Variants in LRP3 observed in about 807,000 individuals in gnomAD.
LRP3 encodes the protein low-density lipoprotein receptor-related protein 3.
In LRP3, 49 loss-of-function variants were observed where a neutral mutation model predicts 58.5. The observed-to-expected ratio is 0.84, with a 90% confidence interval of 0.67 to 1.06. The LOEUF is 1.06. Among genes scored for constraint, LRP3 ranks in the 50% least tolerant of loss-of-function variants. The pLI, the probability that LRP3 is intolerant of heterozygous loss-of-function variation, is 0.00. For synonymous variants in LRP3, 485 were observed against 492.2 expected (o/e 0.99, Z 0.20); for missense variants, 1,019 against 1,134.2 (o/e 0.90, Z 1.46).
Position 33,205,658 on chromosome 19 carries a change from G to T in LRP3, c.888G>T (p.Leu296=). Residue 296 remains leucine, a synonymous_variant, in exon 5 of 7, where the codon CTG becomes CTT. Transcript: ENST00000253193. ...VDTQDSRRVL[L]QLELRLGYDD... The stretch of plus-strand genomic sequence containing the variant: ...CACAGGACTCCCGGCGGGTGCTGCT[G>T]CAGCTGGAACTGCGGCTGGGCTATG... 1 of 1,609,538 alleles carries T rather than the reference G, an allele frequency of 6.2e-7. No individual in the cohort carries two copies.
In LRP3 at chr19:33,204,642, C is replaced by G; in HGVS notation, c.265C>G (p.Arg89Gly). Residue 89 changes from arginine to glycine, a missense_variant, in exon 4 of 7, where the codon CGC (arginine) becomes GGC (glycine). Arg to Gly is a moderately radical substitution (Grantham distance 125). Around this residue, in one of 2 missense-constraint regions of LRP3, gnomAD observed 592 missense variants for 725.5 expected, o/e 0.82. Transcript: ENST00000253193. ...DRGDMITISFRNFDVEESHQC... is the reference protein window; with the variant it reads ...DRGDMITISFGNFDVEESHQC... ...GTCCTCTCCGCCCCCCCGCAGCTTCCGCAACTTTGACGTGGAGGAGTCCCA... is the reference window on the plus strand; with the variant it reads ...GTCCTCTCCGCCCCCCCGCAGCTTCGGCAACTTTGACGTGGAGGAGTCCCA... 1 of 1,603,970 alleles carries G rather than the reference C, an allele frequency of 6.2e-7. No homozygotes were observed. Among genetic ancestry groups the G allele is most frequent in the South Asian group, 1.1e-5 (1 of 91,034 alleles).
Position 33,205,559 on chromosome 19 carries a change from C to T in LRP3, c.789C>T (p.Gly263=). The T allele has an allele frequency of 6.2e-7, 1 of 1,602,694 alleles. No individual in the cohort carries two copies. Among genetic ancestry groups the T allele is most frequent in the Non-Finnish European group, 8.5e-7 (1 of 1,175,862 alleles). ...ACGRRLGSFY[G]SFASPDLFGA... is the part of the protein sequence containing the mutation. ...GCCGGCGGCTGGGCAGCTTCTACGGCTCCTTTGCCTCCCCAGACCTGTTCG... is the reference window on the plus strand; with the variant it reads ...GCCGGCGGCTGGGCAGCTTCTACGGTTCCTTTGCCTCCCCAGACCTGTTCG... The change falls in exon 5 of 7, where the codon GGC becomes GGT. Residue 263 remains glycine (G), a synonymous_variant. Transcript: ENST00000253193.
Position 33,207,014 on chromosome 19 carries a change from A to G in LRP3, c.1752A>G (p.Thr584=), listed in dbSNP as rs1345428335. The change falls in exon 7 of 7, where the codon ACA becomes ACG. Residue 584 remains threonine (T), a synonymous_variant. Transcript: ENST00000253193. ...CCTCTGTGCTGCAGAATCTTCGCAC[A>G]GCCATGCGGAGACAGATGCGTCGGC... ...SQASVLQNLR[T]AMRRQMRRHA... 6.8e-7 allele frequency: 1 copy of G among 1,474,376 alleles called. No individual in the cohort carries two copies. Among genetic ancestry groups the G allele is most frequent in the Non-Finnish European group, 9.0e-7 (1 of 1,116,594 alleles). The allele number at this position is 1,474,376 out of a possible 1,614,324, so 91.3% of individuals were successfully genotyped here.
Position 33,207,605 on chromosome 19 carries a change from C to T in LRP3, c.*30C>T. 6.7e-7 allele frequency: 1 copy of T among 1,490,330 alleles called. No homozygotes were observed. Among genetic ancestry groups the T allele is most frequent in the Non-Finnish European group, 9.2e-7 (1 of 1,082,370 alleles). The allele number at this position is 1,490,330 out of a possible 1,614,324, so 92.3% of individuals were successfully genotyped here. ...TGGGCTCGCTGGTGACCGCCACAGC[C>T]CCGCTTTGTAACCAGGGAATACACA... On this transcript the variant is annotated 3_prime_UTR_variant, in exon 7 of 7. Coordinates refer to ENST00000253193, the MANE Select transcript of LRP3 (RefSeq NM_002333.4).
chr19:33,198,550 C>A (rs1175216953), intron 2 of LRP3, among the ~76,000 whole-genome samples: 1 of 152,200 alleles, frequency 6.6e-6, no homozygotes, highest in African/African-American at 2.4e-5. Context: ...CTGTGTGGGA[C>A]CCTGGATTGG....
Position 33,208,812 on chromosome 19 carries a change from A to C in LRP3, c.*1237A>C, listed in dbSNP as rs532422336. On this transcript the variant is annotated 3_prime_UTR_variant, in exon 7 of 7. Transcript: ENST00000253193. This position sits in a 1 kb window ranked among gnomAD's most constrained non-coding sequence, Gnocchi z 4.7. ...TTCTTTTTTTTCCAGAAAAAAACAAAACAAAACTTTTTTGCCAAAACACCT... is the reference window on the plus strand; with the variant it reads ...TTCTTTTTTTTCCAGAAAAAAACAACACAAAACTTTTTTGCCAAAACACCT... 2.5e-4 allele frequency: 395 copies of C among 1,599,064 alleles called. 1 individual carries two copies. The highest frequency in any genetic ancestry group is 2.0e-3 in the South Asian group (181 of 89,134).
intron 3 of LRP3, 137 bp from the exon 4 acceptor site, chr19:33,204,501 A>C: frequency 4.4e-6 from 3 of 678,884 alleles, no homozygotes; most frequent in Non-Finnish European, 7.9e-6. Flanking sequence ...AGTCTGGAAC[A>C]TGAGGAGTGG....
chr19:33,208,762 C>T lies in LRP3; in HGVS notation c.*1187C>T. ...GTCCACATTTTAGGGCTTCCTTAAA[C>T]AGGCTTCTGAGAGTCGTATCTTTTT... On this transcript the variant is annotated 3_prime_UTR_variant, in exon 7 of 7. Coordinates refer to ENST00000253193, the MANE Select transcript of LRP3 (RefSeq NM_002333.4). The surrounding 1 kb of genome is among the most constrained non-coding windows in gnomAD (Gnocchi z 4.7). 3 of 1,184,168 alleles carry T rather than the reference C, an allele frequency of 2.5e-6. No homozygotes were observed. The highest frequency in any genetic ancestry group is 1.4e-5 in the South Asian group (1 of 73,764). The allele number at this position is 1,184,168 out of a possible 1,614,324, so 73.4% of individuals were successfully genotyped here. A position where few individuals can be genotyped will look rare whatever the true frequency, so the allele number is the denominator to read the frequency against.
Position 33,207,595 on chromosome 19 carries a change from C to T in LRP3, c.*20C>T, listed in dbSNP as rs770365380. ...TGTTGACCGCTGGGCTCGCTGGTGA[C>T]CGCCACAGCCCCGCTTTGTAACCAG... On this transcript the variant is annotated 3_prime_UTR_variant, in exon 7 of 7. Coordinates refer to ENST00000253193, the MANE Select transcript of LRP3 (RefSeq NM_002333.4). 5.3e-6 allele frequency: 8 copies of T among 1,518,898 alleles called. No homozygotes were observed. In the East Asian group the frequency reaches 9.0e-5, roughly 17 times the overall value. 94.1% of individuals were successfully genotyped at this position (1,518,898 alleles called of 1,614,324 possible). A position where few individuals can be genotyped will look rare whatever the true frequency, so the allele number is the denominator to read the frequency against.
Position 33,206,993 on chromosome 19 carries a change from T to G in LRP3, c.1731T>G (p.Ser577=), listed in dbSNP as rs778825006. 3.4e-6 allele frequency: 5 copies of G among 1,469,348 alleles called. No individual in the cohort carries two copies. The highest frequency in any genetic ancestry group is 4.5e-6 in the Non-Finnish European group (5 of 1,113,578). 91.0% of individuals were successfully genotyped at this position (1,469,348 alleles called of 1,614,324 possible). Residue 577 remains serine, a synonymous_variant, in exon 7 of 7, where the codon TCT becomes TCG. Coordinates refer to ENST00000253193, the MANE Select transcript of LRP3 (RefSeq NM_002333.4). ...DFPVYSASQA[S]VLQNLRTAMR... The stretch of plus-strand genomic sequence containing the variant: ...TACCCTGCTCCACCCCACAGGCCTC[T>G]GTGCTGCAGAATCTTCGCACAGCCA...
At chr19:33,198,584 C>T (rs1287502822) in intron 2 of LRP3, among the ~76,000 whole-genome samples, 3 of 152,320 alleles carry the variant, frequency 2.0e-5, no homozygotes, top group African/African-American at 7.2e-5. Context: ...AGCCCCTTCT[C>T]CACCCTAACT....
chr19:33,206,866 G>T (rs919437259), intron 6 of LRP3, 122 bp from the exon 7 acceptor site: 24 of 1,227,238 alleles, frequency 2.0e-5, no homozygotes, highest in African/African-American at 3.1e-5. Flanking sequence ...CCAGGTGGGG[G>T]GGGTGGACAA....
chr19:33,196,331 T>C (rs962212386), intron 1 of LRP3, among the ~76,000 whole-genome samples: 2 of 152,116 alleles, frequency 1.3e-5, no homozygotes, highest in East Asian at 1.9e-4. Flanking sequence ...GGCAAGAGAA[T>C]TGCTGGAGGC....
Position 33,205,790 on chromosome 19 carries a change from G to A in LRP3, c.1020G>A (p.Gln340=). 1.3e-6 allele frequency: 2 copies of A among 1,586,904 alleles called. No individual in the cohort carries two copies. The highest frequency in any genetic ancestry group is 1.3e-5 in the African/African-American group (1 of 74,752). The change falls in exon 5 of 7, where the codon CAG becomes CAA. Residue 340 remains glutamine (Q), a synonymous_variant. Coordinates refer to ENST00000253193, the MANE Select transcript of LRP3 (RefSeq NM_002333.4). ...GGCCCGTGAGCCTGGAGGCCGCCCA[G>A]GGCCGCCTCACTGTGGCCTACCACG... ...NHRPVSLEAA[Q]GRLTVAYHAR... is the part of the protein sequence containing the mutation.
At position 33,208,819 on chromosome 19, in the gene LRP3, C is replaced by CT. The variant is rs1568386109; in HGVS notation, c.*1250dup. On this transcript the variant is annotated 3_prime_UTR_variant, in exon 7 of 7. Transcript: ENST00000253193. The surrounding 1 kb of genome is among the most constrained non-coding windows in gnomAD (Gnocchi z 4.7). ...TTTTCCAGAAAAAAACAAAACAAAA[C>CT]TTTTTTGCCAAAACACCTCCTCAAT... The CT allele has an allele frequency of 6.4e-6, 10 of 1,574,458 alleles. No homozygotes were observed. Among genetic ancestry groups the CT allele is most frequent in the East Asian group, 2.4e-5 (1 of 42,478 alleles).
At chr19:33,198,660 C>G (rs1974309803) in intron 2 of LRP3, among the ~76,000 whole-genome samples, 1 of 152,196 alleles carries the variant, frequency 6.6e-6, no homozygotes, top group Non-Finnish European at 1.5e-5. Context: ...TACCCCTCAG[C>G]AAACCCCATC....
intron 5 of LRP3, 119 bp downstream of exon 5, chr19:33,206,481 C>T: frequency 6.3e-7 from 1 of 1,591,556 alleles, no homozygotes; most frequent in Non-Finnish European, 8.5e-7. Context: ...TGCCCTGGTG[C>T]ACACTGGGGT....
chr19:33,203,160 GCACTCGTGTGAA>G (rs1422667415), intron 3 of LRP3, among the ~76,000 whole-genome samples, 174 bp downstream of exon 3: 1 of 147,898 alleles, frequency 6.8e-6, no homozygotes, highest in African/African-American at 2.7e-5. Context: ...GCGTGTGTGA[GCACTCGTGTGAA>G]CAGGTGTATG....
intron 2 of LRP3, 42 bp from the exon 3 acceptor site, chr19:33,202,806 A>G: frequency 6.4e-7 from 1 of 1,563,412 alleles, no homozygotes; most frequent in Non-Finnish European, 8.7e-7. Context: ...CCGCATCCCA[A>G]CCAAAGATGG....
Sources: allele counts gnomAD v4.1 joint callset (sites outside exome capture counted in the v4.1 genomes callset), GRCh38; gene constraint gnomAD v4.1.1; regional missense constraint gnomAD v4.1.1; non-coding constraint Gnocchi (gnomAD v3.1); transcripts MANE v1.5; gene names NCBI Gene and HGNC (gene_info 2026-07-23, HGNC 2026-07-21).